SEMA6D: variants seen among roughly 807,000 people sequenced by gnomAD.
SEMA6D encodes semaphorin 6D, also known as semaphorin-6D.
A neutral mutation model predicts 106.6 loss-of-function variants in SEMA6D; 35 were observed. The observed-to-expected ratio is 0.33, with a 90% confidence interval of 0.25 to 0.44. The LOEUF (loss-of-function observed/expected upper bound fraction) is 0.44, where lower values mean the gene tolerates loss of function less well. Among genes scored for constraint, SEMA6D ranks in the 20% least tolerant of loss-of-function variants. SEMA6D has a pLI of 1.00. For missense variants in SEMA6D, 1,185 were observed against 1,345.9 expected, an observed-to-expected ratio of 0.88 and a Z score of 1.87; for synonymous variants, 499 against 487.7, an observed-to-expected ratio of 1.02 and a Z score of -0.31.
chr15:47,675,433 C>CA (rs1195237191), intron 4 of SEMA6D, among the ~76,000 whole-genome samples: 1 of 152,024 alleles, frequency 6.6e-6, no homozygotes, highest in Non-Finnish European at 1.5e-5. Flanking sequence ...GAGGAAAGGC[C>CA]CTGTGAGGGG....
intron 1 of SEMA6D, among the ~76,000 whole-genome samples, chr15:47,310,809 A>G (rs944545265): frequency 2.0e-5 from 3 of 152,232 alleles, no homozygotes; most frequent in Non-Finnish European, 2.9e-5. Flanking sequence ...AGAAGGAAAG[A>G]AATATCTGAG....
At chr15:47,713,629 G>A (rs1461539229), upstream of SEMA6D, among the ~76,000 whole-genome samples, 2 of 152,180 alleles carry the variant, frequency 1.3e-5, no homozygotes, top group East Asian at 3.8e-4. Context: ...AATCACAGAA[G>A]CTGCAGCAAC....
intron 1 of SEMA6D, among the ~76,000 whole-genome samples, chr15:47,409,515 TA>T (rs1196831840): frequency 6.6e-6 from 1 of 152,154 alleles, no homozygotes; most frequent in Non-Finnish European, 1.5e-5. Flanking sequence ...TCCTCCCCCA[TA>T]AATAAGGAGA....
chr15:47,536,905 T>C (rs2045185038), intron 3 of SEMA6D, among the ~76,000 whole-genome samples: 1 of 152,208 alleles, frequency 6.6e-6, no homozygotes, highest in African/African-American at 2.4e-5. Context: ...GTAAAAATAC[T>C]TCATGCTCTT....
intron 2 of SEMA6D, among the ~76,000 whole-genome samples, chr15:47,422,181 C>CCTGCCTTT: frequency 5.6e-5 from 1 of 17,940 alleles, no homozygotes; most frequent in East Asian, 4.7e-3. Flanking sequence ...CGCCTGCCTG[C>CCTGCCTTT]CTTCCTTCCT....
At chr15:47,690,377 ATAT>A (rs1189941034) in intron 4 of SEMA6D, among the ~76,000 whole-genome samples, 7 of 152,176 alleles carry the variant, frequency 4.6e-5, no homozygotes, top group African/African-American at 1.7e-4. Flanking sequence ...ATATTAAGAG[ATAT>A]TATAGTTGTA....
intron 1 of SEMA6D, among the ~76,000 whole-genome samples, chr15:47,286,054 T>C (rs2035347553): frequency 6.6e-6 from 1 of 152,218 alleles, no homozygotes; most frequent in South Asian, 2.1e-4. Flanking sequence ...ACTCTATGCC[T>C]TATTCAGAAT....
chr15:47,640,477 G>A (rs1449776307), intron 4 of SEMA6D, among the ~76,000 whole-genome samples: 2 of 152,142 alleles, frequency 1.3e-5, no homozygotes, highest in African/African-American at 4.8e-5. Flanking sequence ...AGCTTGAACG[G>A]AGCTCAAAGA....
intron 1 of SEMA6D, among the ~76,000 whole-genome samples, chr15:47,213,836 AT>A (rs2030298737): frequency 1.3e-5 from 2 of 152,080 alleles, no homozygotes; most frequent in Admixed American, 6.6e-5. Flanking sequence ...GTGGCGAGTA[AT>A]TTGTTGCTAT....
At chr15:47,447,144 G>T (rs972623724) in intron 2 of SEMA6D, among the ~76,000 whole-genome samples, 1 of 152,078 alleles carries the variant, frequency 6.6e-6, no homozygotes, top group African/African-American at 2.4e-5. Flanking sequence ...TGACATCCTG[G>T]CACTGTGCCC....
chr15:47,766,203 G>A lies in SEMA6D; in HGVS notation c.1646+21G>A, dbSNP rs749575562. The A allele has an allele frequency of 2.5e-6, 4 of 1,598,814 alleles. No individual in the cohort carries two copies. In the East Asian group the frequency reaches 6.7e-5, roughly 27 times the overall value. On this transcript the variant is annotated intron_variant, in intron 15 of 18. Transcript: ENST00000536845. Reference sequence around the variant, plus strand: ...ATGCTGTAAGTATACTTTGTCACATGAGCTAGGATGAACTATCCTCTCCAG... The same window carrying A: ...ATGCTGTAAGTATACTTTGTCACATAAGCTAGGATGAACTATCCTCTCCAG...
In SEMA6D at chr15:47,410,512, G is replaced by A. The variant is rs79817801; in HGVS notation, c.-238-1881G>A. 9.2e-5 allele frequency among the ~76,000 whole-genome samples: 14 copies of A among 152,190 alleles called. No individual in the cohort carries two copies. The East Asian group carries it at 2.1e-3, about 23-fold the overall frequency. On this transcript the variant is annotated intron_variant, in intron 1 of 19. Coordinates refer to the SEMA6D transcript ENST00000558014. ...TCTTACAAATACTTCTGCTAAATTC[G>A]GTGCTCCTCATTTGTCGACCATAGT...
chr15:47,442,605 C>G (rs1480802261), intron 2 of SEMA6D, among the ~76,000 whole-genome samples: 1 of 152,098 alleles, frequency 6.6e-6, no homozygotes, highest in East Asian at 1.9e-4. Flanking sequence ...ATGTGCTTCT[C>G]ACAGTTTAAA....
At chr15:47,206,162 C>A (rs1324774844) in intron 1 of SEMA6D, among the ~76,000 whole-genome samples, 2 of 152,112 alleles carry the variant, frequency 1.3e-5, no homozygotes, top group Non-Finnish European at 2.9e-5. Flanking sequence ...GTTGTTTTAA[C>A]AAATAAATAT....
chr15:47,649,472 G>A (rs1346303894), intron 4 of SEMA6D, among the ~76,000 whole-genome samples: 1 of 152,150 alleles, frequency 6.6e-6, no homozygotes, highest in Non-Finnish European at 1.5e-5. Flanking sequence ...CAAGCCAGAA[G>A]TCATCAAAAG....
intron 1 of SEMA6D, among the ~76,000 whole-genome samples, chr15:47,330,019 A>T (rs2037282407): frequency 6.6e-6 from 1 of 152,196 alleles, no homozygotes; most frequent in African/African-American, 2.4e-5. Context: ...TCTATTTATA[A>T]TGAGCATCTA....
chr15:47,627,843 C>T (rs1466031411), intron 4 of SEMA6D, among the ~76,000 whole-genome samples: 4 of 152,016 alleles, frequency 2.6e-5, no homozygotes, highest in Non-Finnish European at 5.9e-5. Flanking sequence ...CATATCCAAC[C>T]CTCCCTCCCT....
intron 2 of SEMA6D, among the ~76,000 whole-genome samples, chr15:47,433,861 T>G (rs1250306364): frequency 6.6e-6 from 1 of 152,146 alleles, no homozygotes; most frequent in Non-Finnish European, 1.5e-5. Context: ...TGGAAGAGAT[T>G]AAGATAAAGA....
intron 1 of SEMA6D, among the ~76,000 whole-genome samples, chr15:47,749,756 A>G (rs1483035240): frequency 6.6e-6 from 1 of 152,174 alleles, no homozygotes; most frequent in African/African-American, 2.4e-5. Context: ...GTGATCTGGG[A>G]TTAGTGAATT....
Sources: gnomAD v4.1 joint callset for allele counts (sites outside exome capture counted in the v4.1 genomes callset) on GRCh38, gnomAD v4.1.1 for gene constraint, MANE v1.5 for transcripts, NCBI Gene and HGNC (gene_info 2026-07-23, HGNC 2026-07-21) for gene names.